The following PRKDC variants were observed in gnomAD, a reference collection of about 807,000 sequenced individuals.
PRKDC encodes the protein protein kinase, DNA-activated, catalytic subunit.
A neutral mutation model predicts 486.9 loss-of-function variants in PRKDC; 82 were observed. The ratio of observed to expected loss-of-function variants is 0.17; its 90% CI spans 0.14 to 0.20. PRKDC has a LOEUF of 0.20. PRKDC is among the 10% of genes least tolerant of loss of function. PRKDC has a pLI of 1.00. For synonymous variants in PRKDC, 1,895 were observed against 1,837.0 expected, an observed-to-expected ratio of 1.03 and a Z score of -0.81; for missense variants, 4,504 against 5,038.2, an observed-to-expected ratio of 0.89 and a Z score of 3.21.
At chr8:47,888,864 T>C (rs1239491306) in intron 33 of PRKDC, 150 bp downstream of exon 33, 6 of 1,063,168 alleles carry the variant, frequency 5.6e-6, no homozygotes, top group Admixed American at 2.8e-5. Flanking sequence ...TTAAATGTGT[T>C]TTCTAAACAA....
chr8:47,890,225 A>C, intron 32 of PRKDC, 32 bp downstream of exon 32: 1 of 1,536,268 alleles, frequency 6.5e-7, no homozygotes, highest in Non-Finnish European at 8.8e-7. Flanking sequence ...TCCAGTACCA[A>C]AAACTGACCT....
At chr8:47,940,585 C>G (rs2154504003) in intron 10 of PRKDC, among the ~76,000 whole-genome samples, 1 of 152,294 alleles carries the variant, frequency 6.6e-6, no homozygotes, top group Non-Finnish European at 1.5e-5. Flanking sequence ...TAATTTCCTT[C>G]TTCACAAAAC....
In PRKDC at chr8:47,905,012, A is replaced by G. The variant is rs758290871; in HGVS notation, c.2935-36T>C. Reference sequence around the variant, plus strand: ...AATACCATTAAAGTTAATTCCCTTCATGTTAAAGAAATGTTACGCTGTAAA... The same window carrying G: ...AATACCATTAAAGTTAATTCCCTTCGTGTTAAAGAAATGTTACGCTGTAAA... On this transcript the variant is annotated intron_variant, in intron 25 of 85. Transcript: ENST00000314191. 5 of 1,449,222 alleles carry G rather than the reference A, an allele frequency of 3.5e-6. No homozygotes were observed. The Admixed American group carries it at 6.9e-5, about 20-fold the overall frequency. 89.8% of individuals were successfully genotyped at this position (1,449,222 alleles called of 1,614,324 possible). A position where few individuals can be genotyped will look rare whatever the true frequency, so the allele number is the denominator to read the frequency against.
In PRKDC at chr8:47,798,304, T is replaced by G. The variant is rs759612793; in HGVS notation, c.10391A>C (p.Lys3464Thr). 5.6e-6 allele frequency: 9 copies of G among 1,613,814 alleles called. No homozygotes were observed. The highest frequency in any genetic ancestry group is 7.6e-6 in the Non-Finnish European group (9 of 1,179,834). ...TATAATCTGAAGTAATCTAGGAAAC[T>G]TCAATCTGGCTTCATTGGAATTTAA... Reference protein sequence around the residue: ...LKLNSNEARLKFPRLLQIIER... With the variant: ...LKLNSNEARLTFPRLLQIIER... The change falls in exon 73 of 86, where the codon AAG (lysine) becomes ACG (threonine). Residue 3464 changes from lysine to threonine, a missense_variant. Lys to Thr is a moderately conservative substitution (Grantham distance 78). Transcript: ENST00000314191.
At chr8:47,901,244 G>C (rs1164639125) in intron 27 of PRKDC, among the ~76,000 whole-genome samples, 1 of 152,128 alleles carries the variant, frequency 6.6e-6, no homozygotes, top group Non-Finnish European at 1.5e-5. Flanking sequence ...GGGAGGCTGA[G>C]GCAGGGATCA....
At chr8:47,881,366 C>T (rs774279752) in intron 38 of PRKDC, 50 bp downstream of exon 38, 12 of 1,103,202 alleles carry the variant, frequency 1.1e-5, no homozygotes, top group South Asian at 7.3e-5. Flanking sequence ...ATAAAAAATA[C>T]GAAAACAGAA....
At chr8:47,891,363 C>G (rs373016581) in intron 31 of PRKDC, among the ~76,000 whole-genome samples, 1 of 152,112 alleles carries the variant, frequency 6.6e-6, no homozygotes, top group Admixed American at 6.6e-5. Flanking sequence ...CAACTGACCT[C>G]GTTAAAAATA....
chr8:47,955,731 G>C, intron 4 of PRKDC, 143 bp downstream of exon 4: 4 of 603,934 alleles, frequency 6.6e-6, no homozygotes, highest in Non-Finnish European at 1.1e-5. Flanking sequence ...GATGGTTGGA[G>C]AATGTGCATC....
intron 68 of PRKDC, among the ~76,000 whole-genome samples, chr8:47,813,487 C>T (rs989502786): frequency 6.6e-6 from 1 of 152,120 alleles, no homozygotes; most frequent in Non-Finnish European, 1.5e-5. Flanking sequence ...AAAATCTTCC[C>T]CAAGGGAAAA....
At chr8:47,809,504 A>C (rs906822853) in intron 68 of PRKDC, among the ~76,000 whole-genome samples, 11 of 152,210 alleles carry the variant, frequency 7.2e-5, no homozygotes, top group African/African-American at 2.4e-4. Context: ...AATGAGACAG[A>C]CTTCCTTGGG....
At chr8:47,927,488 G>C (rs1436564788) in intron 20 of PRKDC, 135 bp from the exon 21 acceptor site, 5 of 1,093,230 alleles carry the variant, frequency 4.6e-6, no homozygotes, top group East Asian at 2.6e-5. Flanking sequence ...GGAGAGTTCA[G>C]TCCAGGTAAT....
Position 47,943,995 on chromosome 8 carries a change from T to C in PRKDC, c.756A>G (p.Val252=), listed in dbSNP as rs373291520. The part of the protein sequence containing the change: ...PQTSREIFNF[V]LKAIRPQIDL... ...CTACCTGAGGACGAATTGCCTTTAG[T>C]ACAAAATTAAAAATCTCCCTTGAAG... Residue 252 remains valine, a synonymous_variant, in exon 8 of 86, where the codon GTA becomes GTG. Transcript: ENST00000314191. 7.0e-6 allele frequency: 11 copies of C among 1,565,124 alleles called. No homozygotes were observed. The East Asian group carries it at 9.5e-5, about 14-fold the overall frequency.
At chr8:47,786,692 G>T (rs575775266) in intron 76 of PRKDC, among the ~76,000 whole-genome samples, 1 of 149,156 alleles carries the variant, frequency 6.7e-6, no homozygotes, top group African/African-American at 2.5e-5. Context: ...CTATTATTTT[G>T]GGTAATAAAC....
chr8:47,901,976 G>A (rs1390067930), intron 27 of PRKDC, among the ~76,000 whole-genome samples: 1 of 152,134 alleles, frequency 6.6e-6, no homozygotes, highest in East Asian at 1.9e-4. Context: ...ACAGCTACCA[G>A]CAAGTGGATT....
Position 47,905,532 on chromosome 8 carries a change from T to C in PRKDC, c.2935-556A>G, listed in dbSNP as rs1281271550. On this transcript the variant is annotated intron_variant, in intron 25 of 85. Coordinates refer to ENST00000314191, the MANE Select transcript of PRKDC (RefSeq NM_006904.7). Reference sequence around the variant, plus strand: ...AGACAATCTAGTCGCTATTCAACTATTGTACAAAGCAAATAACAACCCTGT... The same window carrying C: ...AGACAATCTAGTCGCTATTCAACTACTGTACAAAGCAAATAACAACCCTGT... Among the ~76,000 whole-genome samples, 5 of 152,178 alleles carry C rather than the reference T, an allele frequency of 3.3e-5. No individual in the cohort carries two copies. The East Asian group carries it at 9.6e-4, about 29-fold the overall frequency.
At position 47,887,559 on chromosome 8, in the gene PRKDC, A is replaced by C; in HGVS notation, c.4560T>G (p.Ala1520=). ...GCGTTTTTCCTACCAGTCCTCCAAA[A>C]GCAAAGGCTAACTCCAGAAGTCCGC... is the stretch of plus-strand genomic sequence containing the variant. ...LASGLLELAF[A]FGGLCERLVS... The change falls in exon 35 of 86, where the codon GCT becomes GCG. Residue 1520 remains alanine, a synonymous_variant. Transcript: ENST00000314191. The C allele has an allele frequency of 6.3e-7, 1 of 1,583,562 alleles. No individual in the cohort carries two copies. The highest frequency in any genetic ancestry group is 8.6e-7 in the Non-Finnish European group (1 of 1,165,342).
chr8:47,860,307 G>C (rs945072008), intron 45 of PRKDC, among the ~76,000 whole-genome samples: 2 of 152,234 alleles, frequency 1.3e-5, no homozygotes, highest in South Asian at 4.1e-4. Flanking sequence ...AAAATGTCAT[G>C]AGGTATGCTA....
intron 58 of PRKDC, among the ~76,000 whole-genome samples, chr8:47,835,649 A>AAAG (rs2088002831): frequency 6.8e-6 from 1 of 147,880 alleles, no homozygotes; most frequent in Non-Finnish European, 1.5e-5. Flanking sequence ...AAAAAAAAAA[A>AAAG]GGAAAATATA....
At chr8:47,796,446 T>C (rs1039832139) in intron 73 of PRKDC, among the ~76,000 whole-genome samples, 2 of 152,158 alleles carry the variant, frequency 1.3e-5, no homozygotes, top group African/African-American at 2.4e-5. Context: ...AGGCTGTATG[T>C]TCCATGTTTA....
Sources: gnomAD v4.1 joint callset for allele counts (sites outside exome capture counted in the v4.1 genomes callset) on GRCh38, gnomAD v4.1.1 for gene constraint, MANE v1.5 for transcripts, NCBI Gene and HGNC (gene_info 2026-07-23, HGNC 2026-07-21) for gene names.